Variants in ATN1 observed in about 807,000 individuals in gnomAD.
ATN1 encodes the protein atrophin 1.
Under a neutral mutation model 85.8 loss-of-function variants are expected in ATN1, and 19 were observed. That is an observed-to-expected ratio of 0.22 (90% CI 0.15 to 0.32). ATN1 has a LOEUF of 0.32. Ranked by LOEUF, ATN1 falls within the 10% of genes least tolerant of loss-of-function variation. The pLI, the probability that ATN1 is intolerant of heterozygous loss-of-function variation, is 1.00. For synonymous variants in ATN1, 674 were observed against 657.0 expected (o/e 1.03, Z -0.39); for missense variants, 1,453 against 1,564.5 (o/e 0.93, Z 1.20).
intron 6 of ATN1, 35 bp downstream of exon 6, chr12:6,938,102 T>TC (rs1316122034): frequency 6.6e-7 from 1 of 1,520,742 alleles, no homozygotes; most frequent in Non-Finnish European, 8.8e-7. Flanking sequence ...CCGCCTTCTT[T>TC]CCCTCTTTCC....
intron 1 of ATN1, 68 bp downstream of exon 1, chr12:6,928,452 C>T (rs1337906339): frequency 6.6e-6 from 1 of 151,848 alleles, no homozygotes; most frequent in Non-Finnish European, 1.5e-5. Flanking sequence ...CGGCCTGCGG[C>T]TCCCCACCCC....
In ATN1 at chr12:6,937,397, A is replaced by T. The variant is rs781886772; in HGVS notation, c.2130A>T (p.Pro710=). Residue 710 remains proline, a synonymous_variant, in exon 5 of 10, where the codon CCA becomes CCT. Coordinates refer to ENST00000396684, the MANE Select transcript of ATN1 (RefSeq NM_001940.4). This position sits in a 1 kb window ranked among gnomAD's most constrained non-coding sequence, Gnocchi z 6.0. Reference sequence around the variant, plus strand: ...CCTCAGGCCTGCCATCGCTGCCACCACCACCTGCGGCCCCTGCCTCAGGGC... The same window carrying T: ...CCTCAGGCCTGCCATCGCTGCCACCTCCACCTGCGGCCCCTGCCTCAGGGC... The part of the protein sequence containing the change: ...AGPSGLPSLP[P]PPAAPASGPP... 2.9e-5 allele frequency: 45 copies of T among 1,547,738 alleles called. No homozygotes were observed. The South Asian group carries it at 5.3e-4, about 18-fold the overall frequency.
At chr12:6,925,241 T>A (rs1945388830), upstream of ATN1, among the ~76,000 whole-genome samples, 1 of 151,992 alleles carries the variant, frequency 6.6e-6, no homozygotes, top group African/African-American at 2.4e-5. Context: ...CTTTTGTGAC[T>A]CTCACCATCC....
chr12:6,935,343 A>G lies in ATN1; in HGVS notation c.280-204A>G, dbSNP rs1437378131. 6.6e-5 allele frequency among the ~76,000 whole-genome samples: 10 copies of G among 152,210 alleles called. No individual in the cohort carries two copies. The highest frequency in any genetic ancestry group is 2.1e-4 in the South Asian group (1 of 4,818). On this transcript the variant is annotated intron_variant, in intron 4 of 9. Coordinates refer to ENST00000396684, the MANE Select transcript of ATN1 (RefSeq NM_001940.4). This position sits in a 1 kb window ranked among gnomAD's most constrained non-coding sequence, Gnocchi z 5.3. ...AGGAATAGGGTTTTACAGGCGGGAA[A>G]CAAGACTGGCTGCTAGGGAGCAGCC...
upstream of ATN1, among the ~76,000 whole-genome samples, chr12:6,927,184 AAAGCTTTACTTTTTCCAG>A (rs1945407127): frequency 6.9e-6 from 1 of 144,554 alleles, no homozygotes; most frequent in African/African-American, 2.6e-5. Context: ...ATCACCCCCA[AAAGCTTTACTTTTTCCAG>A]AAGCCCCATC....
At chr12:6,933,660 C>T (rs1384478554) in intron 1 of ATN1, among the ~76,000 whole-genome samples, 180 bp from the exon 2 acceptor site, 2 of 152,184 alleles carry the variant, frequency 1.3e-5, no homozygotes, top group South Asian at 2.1e-4. Context: ...GCAGAATCTG[C>T]CTCCCTTTTA....
rs1200984125 is a variant in ATN1 at position 6,941,985 on chromosome 12, G to A, written c.*205G>A. ...TGGTGTGCAGAGGTGGGGAGGTGGC[G>A]AGGATGGGGACAGAAAGCGCACAGA... On this transcript the variant is annotated 3_prime_UTR_variant, in exon 10 of 10. Transcript: ENST00000396684. The surrounding 1 kb of genome is among the most constrained non-coding windows in gnomAD (Gnocchi z 5.9). 9 of 598,084 alleles carry A rather than the reference G, an allele frequency of 1.5e-5. No homozygotes were observed. Among genetic ancestry groups the A allele is most frequent in the East Asian group, 2.8e-5 (1 of 35,978 alleles). The allele number at this position is 598,084 out of a possible 1,614,324, so 37.0% of individuals were successfully genotyped here.
At chr12:6,925,117 C>CGTGTGCGTGTGTGT (rs1555142455), upstream of ATN1, among the ~76,000 whole-genome samples, 8 of 143,818 alleles carry the variant, frequency 5.6e-5, no homozygotes, top group East Asian at 2.0e-4. Context: ...TGTGCGTGTG[C>CGTGTGCGTGTGTGT]GTGTGTGTGT....
At chr12:6,929,703 C>T (rs1405393588) in intron 1 of ATN1, among the ~76,000 whole-genome samples, 1 of 152,160 alleles carries the variant, frequency 6.6e-6, no homozygotes, top group African/African-American at 2.4e-5. Context: ...CAGGTAGATA[C>T]GTTCCTTGCA....
chr12:6,930,611 C>G (rs1407075769), intron 1 of ATN1, among the ~76,000 whole-genome samples: 3 of 152,140 alleles, frequency 2.0e-5, no homozygotes, highest in South Asian at 4.1e-4. Context: ...CTGGCTAACA[C>G]GGTGAAACCC....
intron 7 of ATN1, among the ~76,000 whole-genome samples, chr12:6,939,570 C>T (rs1945606496): frequency 1.3e-5 from 2 of 152,198 alleles, no homozygotes; most frequent in South Asian, 2.1e-4. Context: ...GGCGCAATCA[C>T]AGCTCACTGC....
At position 6,942,038 on chromosome 12, in the gene ATN1, C is replaced by T. The variant is rs782288743; in HGVS notation, c.*258C>T. ...CTTGGACCAGGTCTCTCTTCCTTGTCCCCCCTGCTTTTCTCCTCCCCCATG... is the reference window on the plus strand; with the variant it reads ...CTTGGACCAGGTCTCTCTTCCTTGTTCCCCCTGCTTTTCTCCTCCCCCATG... On this transcript the variant is annotated 3_prime_UTR_variant, in exon 10 of 10. Transcript: ENST00000396684. 3.7e-6 allele frequency: 2 copies of T among 544,886 alleles called. No individual in the cohort carries two copies. Among genetic ancestry groups the T allele is most frequent in the East Asian group, 3.0e-5 (1 of 33,032 alleles). 33.8% of individuals were successfully genotyped at this position (544,886 alleles called of 1,614,324 possible).
rs934727497 is a variant in ATN1, at chr12:6,942,137, T to C, written c.*357T>C. On this transcript the variant is annotated 3_prime_UTR_variant, in exon 10 of 10. Coordinates refer to ENST00000396684, the MANE Select transcript of ATN1 (RefSeq NM_001940.4). ...TTTCATCTGTTAGATGTGGCTGTTTTGCGTAGCATCGTGTGCCACCCCTGC... is the reference window on the plus strand; with the variant it reads ...TTTCATCTGTTAGATGTGGCTGTTTCGCGTAGCATCGTGTGCCACCCCTGC... 1 of 338,666 alleles carries C rather than the reference T, an allele frequency of 3.0e-6. No homozygotes were observed. Among genetic ancestry groups the C allele is most frequent in the African/African-American group, 2.1e-5 (1 of 47,936 alleles). The allele number at this position is 338,666 out of a possible 1,614,324, so 21.0% of individuals were successfully genotyped here. A position where few individuals can be genotyped will look rare whatever the true frequency, so the allele number is the denominator to read the frequency against.
chr12:6,941,833 C>T lies in ATN1; in HGVS notation c.*53C>T. On this transcript the variant is annotated 3_prime_UTR_variant, in exon 10 of 10. Coordinates refer to ENST00000396684, the MANE Select transcript of ATN1 (RefSeq NM_001940.4). This position sits in a 1 kb window ranked among gnomAD's most constrained non-coding sequence, Gnocchi z 5.9. ...TCCTACATTGGACCTTGGAGCACCC[C>T]CACCCTCCCCCCACCGTGCCCTTGG... 2.5e-6 allele frequency: 4 copies of T among 1,586,086 alleles called. No homozygotes were observed. The highest frequency in any genetic ancestry group is 2.2e-5 in the South Asian group (2 of 90,478).
rs1479657481 is a variant in ATN1 at position 6,941,212 on chromosome 12, C to A, written c.3359-162C>A. ...AGTTTTAGTGTCAGCCTAAGAGGTT[C>A]GAATCCCAATTCCACCCTACCACTG... On this transcript the variant is annotated intron_variant, in intron 8 of 9. Coordinates refer to ENST00000396684, the MANE Select transcript of ATN1 (RefSeq NM_001940.4). This position sits in a 1 kb window ranked among gnomAD's most constrained non-coding sequence, Gnocchi z 5.9. Among the ~76,000 whole-genome samples the A allele has an allele frequency of 6.6e-6, 1 of 152,134 alleles. No homozygotes were observed. Among genetic ancestry groups the A allele is most frequent in the African/African-American group, 2.4e-5 (1 of 41,426 alleles).
upstream of ATN1, among the ~76,000 whole-genome samples, chr12:6,927,821 G>GGACGC (rs1247666097): frequency 6.7e-6 from 1 of 150,222 alleles, no homozygotes; most frequent in Admixed American, 6.6e-5. Flanking sequence ...GCGAGTCGCC[G>GGACGC]GACGCACCGC....
In ATN1 at chr12:6,937,324, A is replaced by G; in HGVS notation, c.2057A>G (p.Lys686Arg). The change falls in exon 5 of 10, where the codon AAG becomes AGG. Residue 686 changes from lysine (K) to arginine (R), a missense_variant. Lys to Arg is a conservative substitution (Grantham distance 26). Transcript: ENST00000396684. The surrounding 1 kb of genome is among the most constrained non-coding windows in gnomAD (Gnocchi z 6.0). ...CCACCTGCAGGCCCAGGGACCTTCA[A>G]GCCGGGCTCGCCCACCGTGGGACCT... ...TSPPAGPGTF[K>R]PGSPTVGPGP... 1 of 1,565,834 alleles carries G rather than the reference A, an allele frequency of 6.4e-7. No individual in the cohort carries two copies. Among genetic ancestry groups the G allele is most frequent in the Non-Finnish European group, 8.6e-7 (1 of 1,156,942 alleles).
chr12:6,928,601 G>A (rs1345820171), intron 1 of ATN1, among the ~76,000 whole-genome samples: 2 of 152,242 alleles, frequency 1.3e-5, no homozygotes, highest in Non-Finnish European at 2.9e-5. Flanking sequence ...TCGGGGGCCA[G>A]GGTTTCGGGA....
At chr12:6,938,202 G>T in intron 6 of ATN1, 135 bp downstream of exon 6, 3 of 1,428,222 alleles carry the variant, frequency 2.1e-6, no homozygotes, top group Middle Eastern at 2.6e-4. Flanking sequence ...TGTCGGAGGG[G>T]AGGTACCACT....
Sources: allele counts gnomAD v4.1 joint callset (sites outside exome capture counted in the v4.1 genomes callset), GRCh38; gene constraint gnomAD v4.1.1; non-coding constraint Gnocchi (gnomAD v3.1); transcripts MANE v1.5; gene names NCBI Gene and HGNC (gene_info 2026-07-23, HGNC 2026-07-21).